The following SPHKAP variants were observed in gnomAD, a reference collection of about 807,000 sequenced individuals.
SPHKAP encodes the protein SPHK1 interactor, AKAP domain containing, also known as A-kinase anchor protein SPHKAP.
A neutral mutation model predicts 137.5 loss-of-function variants in SPHKAP; 67 were observed. That is an observed-to-expected ratio of 0.49 (90% CI 0.40 to 0.60). The LOEUF is 0.60. SPHKAP is among the 20% of genes least tolerant of loss of function. The probability of loss-of-function intolerance (pLI) is 0.00; values close to 1 mark genes in which losing one functional copy is unlikely to be tolerated. For missense variants in SPHKAP, 2,097 were observed against 2,069.3 expected, an observed-to-expected ratio of 1.01 and a Z score of -0.26; for synonymous variants, 813 against 785.3, an observed-to-expected ratio of 1.04 and a Z score of -0.59.
At position 228,016,798 on chromosome 2, in the gene SPHKAP, A is replaced by T. The variant is rs370743978; in HGVS notation, c.4056T>A (p.Ala1352=). Residue 1352 remains alanine (A), a synonymous_variant, in exon 7 of 12, where the codon GCT becomes GCA. Coordinates refer to ENST00000392056, the MANE Select transcript of SPHKAP (RefSeq NM_001142644.2). ...SQAEKCANRL[A]ASRMCSGPTL... is the part of the protein sequence containing the mutation. ...TTGGCCCACTGCACATCCTGCTCGC[A>T]GCTAATCTATTTGCACACTTCTCTG... 6.2e-7 allele frequency: 1 copy of T among 1,613,938 alleles called. No individual in the cohort carries two copies. The highest frequency in any genetic ancestry group is 1.3e-5 in the African/African-American group (1 of 74,918).
rs10172756 is a variant in SPHKAP at position 228,169,117 on chromosome 2, C to T, written c.32+12450G>A. ...GCAGAGGTTGGTTCATGAGGTTTAA[C>T]GAAAGAAACTGTCTCCATATATAGA... On this transcript the variant is annotated intron_variant, in intron 1 of 11. Coordinates refer to ENST00000392056, the MANE Select transcript of SPHKAP (RefSeq NM_001142644.2). Among the ~76,000 whole-genome samples, 797 of 152,192 alleles carry T rather than the reference C, an allele frequency of 5.2e-3. 3 individuals carry two copies. The highest frequency in any genetic ancestry group is 8.2e-3 in the Non-Finnish European group (556 of 67,998).
At chr2:228,143,142 C>T (rs1000004721) in intron 1 of SPHKAP, among the ~76,000 whole-genome samples, 11 of 152,252 alleles carry the variant, frequency 7.2e-5, no homozygotes, top group East Asian at 3.9e-4. Flanking sequence ...AGATGATGCC[C>T]CTTTGCCCTC....
intron 2 of SPHKAP, among the ~76,000 whole-genome samples, chr2:228,123,660 C>G (rs886997866): frequency 1.3e-5 from 2 of 152,126 alleles, no homozygotes; most frequent in African/African-American, 4.8e-5. Context: ...GAAACTCTGA[C>G]TAATAAAAAT....
chr2:228,097,848 G>A (rs986477215), intron 3 of SPHKAP, among the ~76,000 whole-genome samples: 5 of 152,174 alleles, frequency 3.3e-5, no homozygotes, highest in Admixed American at 1.3e-4. Flanking sequence ...ATTCCGTGGT[G>A]TATATACACC....
chr2:228,134,951 C>T (rs949837439), intron 1 of SPHKAP, among the ~76,000 whole-genome samples: 4 of 152,052 alleles, frequency 2.6e-5, no homozygotes, highest in African/African-American at 7.2e-5. Context: ...GACCTCAGGC[C>T]GCTCCTTCCA....
chr2:228,148,255 C>T (rs570924405), intron 1 of SPHKAP, among the ~76,000 whole-genome samples: 3 of 152,212 alleles, frequency 2.0e-5, no homozygotes, highest in South Asian at 2.1e-4. Context: ...GAGGGGTATC[C>T]CCCAAACACA....
intron 1 of SPHKAP, among the ~76,000 whole-genome samples, chr2:228,165,379 T>C (rs1483891437): frequency 1.3e-5 from 2 of 152,222 alleles, no homozygotes; most frequent in Non-Finnish European, 2.9e-5. Context: ...AGAAGGGTAT[T>C]GATATTTATC....
At chr2:228,125,887 G>T (rs576071942) in intron 2 of SPHKAP, among the ~76,000 whole-genome samples, 14 of 152,178 alleles carry the variant, frequency 9.2e-5, no homozygotes, top group Admixed American at 9.2e-4. Context: ...GAACAGCCTG[G>T]CCAACATGGT....
chr2:228,163,466 A>G (rs1482286704), intron 1 of SPHKAP, among the ~76,000 whole-genome samples: 3 of 152,114 alleles, frequency 2.0e-5, no homozygotes, highest in Non-Finnish European at 2.9e-5. Flanking sequence ...GTACTAAGTG[A>G]CCCACTACCA....
At chr2:228,028,705 T>C (rs558484295) in intron 3 of SPHKAP, among the ~76,000 whole-genome samples, 1 of 152,332 alleles carries the variant, frequency 6.6e-6, no homozygotes, top group South Asian at 2.1e-4. Flanking sequence ...TTATACCATA[T>C]AACCTACAGG....
chr2:228,085,805 GT>G lies in SPHKAP; in HGVS notation c.246+23026del, dbSNP rs894654397. On this transcript the variant is annotated intron_variant, in intron 3 of 11. Coordinates refer to ENST00000392056, the MANE Select transcript of SPHKAP (RefSeq NM_001142644.2). ...CTCCATGTATTATAAGGAACCCTGAGTTTTTTTTTTCTGAGAGAAAATCTTG... is the reference window on the plus strand; with the variant it reads ...CTCCATGTATTATAAGGAACCCTGAGTTTTTTTTTCTGAGAGAAAATCTTG... Among the ~76,000 whole-genome samples the G allele has an allele frequency of 8.7e-5, 13 of 149,664 alleles. No individual in the cohort carries two copies. The East Asian group carries it at 1.2e-3, about 13-fold the overall frequency.
At chr2:228,037,645 T>C (rs933723816) in intron 3 of SPHKAP, among the ~76,000 whole-genome samples, 8 of 146,836 alleles carry the variant, frequency 5.4e-5, no homozygotes, top group Non-Finnish European at 9.0e-5. Flanking sequence ...CAATAACACC[T>C]GTGGTCACTC....
intron 7 of SPHKAP, among the ~76,000 whole-genome samples, chr2:228,005,293 C>G (rs1694084344): frequency 1.3e-5 from 2 of 152,194 alleles, no homozygotes; most frequent in Non-Finnish European, 2.9e-5. Flanking sequence ...GAATTGATCC[C>G]TTTACCATTA....
chr2:228,073,571 A>G (rs981392830), intron 3 of SPHKAP, among the ~76,000 whole-genome samples: 1 of 152,216 alleles, frequency 6.6e-6, no homozygotes, highest in Non-Finnish European at 1.5e-5. Flanking sequence ...CTAAAAGACT[A>G]TAACATAAAC....
intron 5 of SPHKAP, 147 bp from the exon 6 acceptor site, chr2:228,022,113 A>G: frequency 2.3e-6 from 3 of 1,321,724 alleles, no homozygotes. Flanking sequence ...TTATATTAAT[A>G]AACTGCTTGA....
intron 3 of SPHKAP, among the ~76,000 whole-genome samples, chr2:228,049,617 C>T (rs1039068209): frequency 4.6e-5 from 7 of 152,146 alleles, no homozygotes; most frequent in African/African-American, 1.7e-4. Context: ...GAGCATAAGA[C>T]CTAATAGGTA....
chr2:228,168,852 T>C (rs1195004706), intron 1 of SPHKAP, among the ~76,000 whole-genome samples: 3 of 152,110 alleles, frequency 2.0e-5, no homozygotes, highest in African/African-American at 7.2e-5. Flanking sequence ...ACATTGTGAA[T>C]GCAAAGGAAA....
intron 9 of SPHKAP, chr2:227,991,609 C>T: frequency 2.0e-6 from 2 of 985,434 alleles, no homozygotes; most frequent in African/African-American, 1.7e-5. Flanking sequence ...GCAACCTTCT[C>T]TTCAACCTCC....
In SPHKAP at chr2:228,021,940, C is replaced by A; in HGVS notation, c.468G>T (p.Leu156Phe). 1 of 1,603,530 alleles carries A rather than the reference C, an allele frequency of 6.2e-7. No individual in the cohort carries two copies. Among genetic ancestry groups the A allele is most frequent in the Non-Finnish European group, 8.5e-7 (1 of 1,175,402 alleles). ...GTCTGTTCCCTCTTGCACATTGGAC[C>A]AAGCAGATATCTGGCAGCCAAGGGC... ...SQCPWLPDIC[L>F]VQCARGNRPN... Residue 156 changes from leucine to phenylalanine, a missense_variant, in exon 6 of 12, where the codon TTG (leucine) becomes TTT (phenylalanine). Leu to Phe is a conservative substitution (Grantham distance 22, BLOSUM62 0). Transcript: ENST00000392056.
Sources: gnomAD v4.1 joint callset for allele counts (sites outside exome capture counted in the v4.1 genomes callset) on GRCh38, gnomAD v4.1.1 for gene constraint, MANE v1.5 for transcripts, NCBI Gene and HGNC (gene_info 2026-07-23, HGNC 2026-07-21) for gene names.